CHAF1A: variants seen among roughly 807,000 people sequenced by gnomAD.
CHAF1A encodes the protein chromatin assembly factor 1 subunit A, also known as CAF-1 subunit A.
CHAF1A carries 5 observed loss-of-function variants against 93.2 expected under a neutral mutation model. The ratio of observed to expected loss-of-function variants is 0.05; its 90% CI spans 0.03 to 0.11. The LOEUF is 0.11. CHAF1A is among the 10% of genes least tolerant of loss of function. CHAF1A has a pLI of 1.00. For missense variants in CHAF1A, 1,102 were observed against 1,259.9 expected (o/e 0.87, Z 1.90); for synonymous variants, 504 against 510.3 (o/e 0.99, Z 0.17).
chr19:4,413,018 C>T (rs187493800), intron 3 of CHAF1A, among the ~76,000 whole-genome samples: 27 of 152,276 alleles, frequency 1.8e-4, no homozygotes, highest in African/African-American at 5.8e-4. Flanking sequence ...TTAAGGAGTC[C>T]TGCATTTCTG....
At position 4,431,824 on chromosome 19, in the gene CHAF1A, T is replaced by C. The variant is rs902556465; in HGVS notation, c.1948-128T>C. 6 of 1,182,926 alleles carry C rather than the reference T, an allele frequency of 5.1e-6. No homozygotes were observed. In the Admixed American group the frequency reaches 7.1e-5, roughly 14 times the overall value. The allele number at this position is 1,182,926 out of a possible 1,614,324, so 73.3% of individuals were successfully genotyped here. ...GTGTGCTCTGCCCTGGCCCTGACAC[T>C]GTGGGAAGTTTTGTGCCCCTGTCCT... On this transcript the variant is annotated intron_variant, in intron 11 of 14. Transcript: ENST00000301280.
At position 4,429,794 on chromosome 19, in the gene CHAF1A, GA is replaced by G. The variant is rs774156784; in HGVS notation, c.1854+7del. Reference sequence around the variant, plus strand: ...CCCTGTCCCACAGTGAGGGGGTAAGGATGTGCCCCAGCTGTCTTCACTCACA... The same window carrying G: ...CCCTGTCCCACAGTGAGGGGGTAAGGTGTGCCCCAGCTGTCTTCACTCACA... On this transcript the variant is annotated splice_region_variant and intron_variant, in intron 10 of 14. Coordinates refer to ENST00000301280, the MANE Select transcript of CHAF1A (RefSeq NM_005483.3). 2.3e-5 allele frequency: 37 copies of G among 1,609,862 alleles called. No individual in the cohort carries two copies. Among genetic ancestry groups the G allele is most frequent in the Non-Finnish European group, 9.3e-6 (11 of 1,177,726 alleles).
chr19:4,412,710 T>C (rs147234398), intron 3 of CHAF1A, among the ~76,000 whole-genome samples: 1 of 152,354 alleles, frequency 6.6e-6, no homozygotes, highest in Non-Finnish European at 1.5e-5. Context: ...GTGCAACATT[T>C]AGGAAACCCT....
At position 4,423,789 on chromosome 19, in the gene CHAF1A, A is replaced by T. The variant is rs375902081; in HGVS notation, c.1309-17A>T. 2.5e-6 allele frequency: 4 copies of T among 1,612,846 alleles called. No individual in the cohort carries two copies. Among genetic ancestry groups the T allele is most frequent in the Middle Eastern group, 1.7e-4 (1 of 6,060 alleles). ...TCTTCCTCTCCTCTTTCTCATCACC[A>T]TCTCTTAACATCACAGCGCATTAAA... On this transcript the variant is annotated splice_polypyrimidine_tract_variant and intron_variant, in intron 6 of 14. Coordinates refer to ENST00000301280, the MANE Select transcript of CHAF1A (RefSeq NM_005483.3).
At chr19:4,436,223 C>T (rs1974281519) in intron 13 of CHAF1A, among the ~76,000 whole-genome samples, 1 of 152,260 alleles carries the variant, frequency 6.6e-6, no homozygotes, top group Non-Finnish European at 1.5e-5. Flanking sequence ...CAGCCATCTC[C>T]CTGCTGCCAG....
chr19:4,441,574 C>T (rs961580537), intron 13 of CHAF1A, among the ~76,000 whole-genome samples: 5 of 151,978 alleles, frequency 3.3e-5, no homozygotes, highest in Non-Finnish European at 7.4e-5. Flanking sequence ...TGCCACTGCA[C>T]TCCAGCCTCA....
Position 4,409,653 on chromosome 19 carries a change from C to G in CHAF1A, c.854C>G (p.Ser285Trp), listed in dbSNP as rs759220552. Residue 285 changes from serine (S) to tryptophan (W), a missense_variant, in exon 3 of 15, where the codon TCG (serine) becomes TGG (tryptophan). Ser to Trp is a radical substitution (Grantham distance 177). Transcript: ENST00000301280. ...FPEEDSVLSH[S>W]SLSSPSSTSS... ...GAAGAAGACTCTGTACTCAGCCATT[C>G]GTCCCTGAGCTCTCCCTCTTCCACC... The G allele has an allele frequency of 6.2e-7, 1 of 1,614,030 alleles. No individual in the cohort carries two copies. Among genetic ancestry groups the G allele is most frequent in the African/African-American group, 1.3e-5 (1 of 74,914 alleles).
intron 6 of CHAF1A, 85 bp from the exon 7 acceptor site, chr19:4,423,721 C>A: frequency 1.5e-6 from 2 of 1,329,146 alleles, no homozygotes; most frequent in Non-Finnish European, 2.2e-6. Flanking sequence ...GCTTGACGTT[C>A]GGTTCTGGGG....
At chr19:4,440,513 G>A (rs767194272) in intron 13 of CHAF1A, among the ~76,000 whole-genome samples, 1 of 152,004 alleles carries the variant, frequency 6.6e-6, no homozygotes, top group African/African-American at 2.4e-5. Flanking sequence ...GGAGGCTGAG[G>A]CAGGAGAATG....
intron 7 of CHAF1A, among the ~76,000 whole-genome samples, chr19:4,428,182 G>C (rs1400999047): frequency 1.3e-5 from 2 of 150,014 alleles, no homozygotes; most frequent in Non-Finnish European, 3.0e-5. Context: ...AGTAGAGATG[G>C]GGTTTCACCA....
intron 4 of CHAF1A, among the ~76,000 whole-genome samples, chr19:4,421,501 G>GTGC (rs2145102688): frequency 6.6e-6 from 1 of 152,306 alleles, no homozygotes; most frequent in Non-Finnish European, 1.5e-5. Context: ...CTGTGGCTGG[G>GTGC]TGCTGGGGCT....
chr19:4,427,396 G>T (rs1339435997), intron 7 of CHAF1A, among the ~76,000 whole-genome samples: 1 of 144,216 alleles, frequency 6.9e-6, no homozygotes, highest in African/African-American at 2.6e-5. Flanking sequence ...GCAGTGGCAC[G>T]ATCTCGGCTC....
intron 13 of CHAF1A, among the ~76,000 whole-genome samples, chr19:4,438,513 A>C (rs951120333): frequency 4.6e-5 from 7 of 151,970 alleles, no homozygotes; most frequent in African/African-American, 1.7e-4. Context: ...TTTTACTTAG[A>C]GCTCAAAAGA....
chr19:4,445,427 G>C (rs1414906854), downstream of CHAF1A: 2 of 1,598,740 alleles, frequency 1.3e-6, no homozygotes, highest in South Asian at 2.2e-5. Context: ...TGGAGGCCCT[G>C]GGGTGGCGGG....
At chr19:4,411,354 C>G (rs1372057169) in intron 3 of CHAF1A, among the ~76,000 whole-genome samples, 2 of 152,148 alleles carry the variant, frequency 1.3e-5, no homozygotes, top group Admixed American at 1.3e-4. Flanking sequence ...CTCACCCTCT[C>G]AAGTAGCTGG....
Position 4,433,460 on chromosome 19 carries a change from C to T in CHAF1A, c.2594C>T (p.Thr865Ile), listed in dbSNP as rs746028015. 1 of 1,602,962 alleles carries T rather than the reference C, an allele frequency of 6.2e-7. No individual in the cohort carries two copies. The highest frequency in any genetic ancestry group is 8.5e-7 in the Non-Finnish European group (1 of 1,171,068). Residue 865 changes from threonine (T) to isoleucine (I), a missense_variant, in exon 13 of 15, where the codon ACT (threonine) becomes ATT (isoleucine). This residue lies in a region of CHAF1A where 76 missense variants were observed against 129.8 expected (regional missense o/e 0.59). Coordinates refer to ENST00000301280, the MANE Select transcript of CHAF1A (RefSeq NM_005483.3). This position sits in a 1 kb window ranked among gnomAD's most constrained non-coding sequence, Gnocchi z 5.6. ...CCCTCCACGGGGCCCAGCCAGGGCA[C>T]TCCCATCTCGCTGAAGAGGAAGTCA... is the stretch of plus-strand genomic sequence containing the variant. ...SVPSTGPSQGTPISLKRKSAG... is the reference protein window; with the variant it reads ...SVPSTGPSQGIPISLKRKSAG...
At chr19:4,404,882 GTCTTA>G (rs1159359980) in intron 1 of CHAF1A, among the ~76,000 whole-genome samples, 1 of 152,070 alleles carries the variant, frequency 6.6e-6, no homozygotes, top group Non-Finnish European at 1.5e-5. Flanking sequence ...AAAATATTTT[GTCTTA>G]TCTTCTCTTG....
chr19:4,421,801 A>G (rs1319853747), intron 4 of CHAF1A, among the ~76,000 whole-genome samples: 2 of 152,028 alleles, frequency 1.3e-5, no homozygotes, highest in Non-Finnish European at 2.9e-5. Context: ...CTTCTGTGTA[A>G]AGTTGTTGAC....
chr19:4,446,444 G>T (rs762486253), downstream of CHAF1A: 3 of 1,579,666 alleles, frequency 1.9e-6, no homozygotes, highest in Non-Finnish European at 2.6e-6. Flanking sequence ...ACGAGGGCTG[G>T]CCGGGGTTCT....
Sources: allele counts gnomAD v4.1 joint callset (sites outside exome capture counted in the v4.1 genomes callset), GRCh38; gene constraint gnomAD v4.1.1; regional missense constraint gnomAD v4.1.1; non-coding constraint Gnocchi (gnomAD v3.1); transcripts MANE v1.5; gene names NCBI Gene and HGNC (gene_info 2026-07-23, HGNC 2026-07-21).